The following GTF2H1 variants were observed in gnomAD, a reference collection of about 807,000 sequenced individuals.
GTF2H1 encodes the protein BTF2 p62.
A neutral mutation model predicts 71.2 loss-of-function variants in GTF2H1; 16 were observed. The ratio of observed to expected loss-of-function variants is 0.22; its 90% confidence interval spans 0.15 to 0.34. The LOEUF (loss-of-function observed/expected upper bound fraction) is 0.34. Among genes scored for constraint, GTF2H1 ranks in the 10% least tolerant of loss-of-function variants. The probability of loss-of-function intolerance (pLI) is 1.00; values close to 1 mark genes in which losing one functional copy is unlikely to be tolerated. For missense variants in GTF2H1, 498 were observed against 648.2 expected, an observed-to-expected ratio of 0.77 and a Z score of 2.52; for synonymous variants, 215 against 219.0, an observed-to-expected ratio of 0.98 and a Z score of 0.16.
chr11:18,347,986 T>C lies in GTF2H1; in HGVS notation c.1053+67T>C, dbSNP rs533114878. On this transcript the variant is annotated intron_variant, in intron 9 of 14. Coordinates refer to ENST00000265963, the MANE Select transcript of GTF2H1 (RefSeq NM_005316.4). Reference sequence around the variant, plus strand: ...TCCAAATACTTTATGTGACTGCAAGTACTGTATACGCTTATTTCCTGTGAC... The same window carrying C: ...TCCAAATACTTTATGTGACTGCAAGCACTGTATACGCTTATTTCCTGTGAC... 1.2e-3 allele frequency: 1,194 copies of C among 971,188 alleles called. 10 individuals are homozygous for C. Among genetic ancestry groups the C allele is most frequent in the South Asian group, 0.011 (854 of 76,466 alleles). The allele number at this position is 971,188 out of a possible 1,614,324, so 60.2% of individuals were successfully genotyped here. A position where few individuals can be genotyped will look rare whatever the true frequency, so the allele number is the denominator to read the frequency against.
chr11:18,364,190 T>G (rs1865768753), intron 14 of GTF2H1, among the ~76,000 whole-genome samples: 2 of 152,178 alleles, frequency 1.3e-5, no homozygotes, highest in Admixed American at 1.3e-4. Flanking sequence ...AAGTAATTTT[T>G]ATAGTTTCCA....
chr11:18,329,044 AAAC>A (rs1864836097), intron 1 of GTF2H1, among the ~76,000 whole-genome samples: 1 of 152,222 alleles, frequency 6.6e-6, no homozygotes, highest in Non-Finnish European at 1.5e-5. Context: ...GATTGTAAGA[AAAC>A]AAATTCTCAG....
chr11:18,350,659 G>A (rs1013577134), intron 9 of GTF2H1, among the ~76,000 whole-genome samples: 1 of 152,140 alleles, frequency 6.6e-6, no homozygotes. Flanking sequence ...AATTTAAAAC[G>A]TTAAGTTTTC....
chr11:18,363,929 C>T (rs1865762984), intron 14 of GTF2H1, among the ~76,000 whole-genome samples: 1 of 152,078 alleles, frequency 6.6e-6, no homozygotes, highest in Non-Finnish European at 1.5e-5. Flanking sequence ...AAAAAATTAG[C>T]CGGGCGTTGT....
intron 11 of GTF2H1, among the ~76,000 whole-genome samples, chr11:18,353,206 CAA>C (rs759034627): frequency 3.3e-5 from 5 of 152,238 alleles, no homozygotes; most frequent in East Asian, 1.9e-4. Flanking sequence ...GCCTGGGCGA[CAA>C]GAGCGAAGCT....
In GTF2H1 at chr11:18,365,070, T is replaced by TAAAA. The variant is rs372254821; in HGVS notation, c.1561-713_1561-712insAAAA. ...CATAGCAAGAGTCCATCTCCACTAT[T>TAAAA]TAAAAAAGAAAAAAAAAAAAAACCT... On this transcript the variant is annotated intron_variant, in intron 14 of 14. Transcript: ENST00000265963. Among the ~76,000 whole-genome samples the TAAAA allele has an allele frequency of 2.7e-5, 3 of 111,522 alleles. 1 individual carries two copies. The allele number at this position is 111,522 out of a possible 152,430, so 73.2% of individuals were successfully genotyped here. A position where few individuals can be genotyped will look rare whatever the true frequency, so the allele number is the denominator to read the frequency against.
At chr11:18,350,956 G>A (rs1029956952) in intron 9 of GTF2H1, among the ~76,000 whole-genome samples, 11 of 152,126 alleles carry the variant, frequency 7.2e-5, no homozygotes, top group African/African-American at 1.7e-4. Context: ...ACCCAAATAC[G>A]TGGAGGAATT....
At chr11:18,339,841 A>G (rs1865115751) in intron 5 of GTF2H1, among the ~76,000 whole-genome samples, 184 bp downstream of exon 5, 1 of 152,200 alleles carries the variant, frequency 6.6e-6, no homozygotes, top group Non-Finnish European at 1.5e-5. Flanking sequence ...TCATCAGTTC[A>G]CTAATATGAC....
chr11:18,364,229 A>G (rs1046411820), intron 14 of GTF2H1, among the ~76,000 whole-genome samples: 1 of 152,158 alleles, frequency 6.6e-6, no homozygotes, highest in Non-Finnish European at 1.5e-5. Flanking sequence ...TATCCCCCAT[A>G]ATGATAAACA....
chr11:18,356,067 G>A (rs1295574518), intron 11 of GTF2H1, among the ~76,000 whole-genome samples: 2 of 151,992 alleles, frequency 1.3e-5, no homozygotes, highest in Non-Finnish European at 2.9e-5. Flanking sequence ...TTTCTTTTTA[G>A]CACTGAGTGG....
intron 9 of GTF2H1, among the ~76,000 whole-genome samples, chr11:18,349,644 C>A (rs1228759189): frequency 6.6e-6 from 1 of 152,136 alleles, no homozygotes; most frequent in Non-Finnish European, 1.5e-5. Context: ...GATCGCGTCG[C>A]TGCACTCCAG....
chr11:18,332,957 A>G (rs1487850281), intron 1 of GTF2H1, 103 bp from the exon 2 acceptor site: 12 of 692,156 alleles, frequency 1.7e-5, no homozygotes, highest in African/African-American at 5.5e-5. Context: ...TTAATTTCCT[A>G]CAGTTTAGAT....
chr11:18,326,983 C>G (rs1864782976), intron 1 of GTF2H1, among the ~76,000 whole-genome samples: 1 of 151,626 alleles, frequency 6.6e-6, no homozygotes, highest in African/African-American at 2.4e-5. Flanking sequence ...GCCTCAAAAC[C>G]TCATCTCTAC....
At chr11:18,326,859 T>C (rs1423325327) in intron 1 of GTF2H1, among the ~76,000 whole-genome samples, 1 of 152,188 alleles carries the variant, frequency 6.6e-6, no homozygotes, top group African/African-American at 2.4e-5. Context: ...TTTTAATTCA[T>C]TTTTCTTAAA....
intron 9 of GTF2H1, chr11:18,348,476 T>C: frequency 6.5e-6 from 1 of 154,368 alleles, no homozygotes; most frequent in Non-Finnish European, 1.4e-5. Flanking sequence ...TAAAGCTTTC[T>C]TAGAGAGCAG....
chr11:18,339,952 C>T (rs1865118776), intron 5 of GTF2H1, among the ~76,000 whole-genome samples: 1 of 152,162 alleles, frequency 6.6e-6, no homozygotes, highest in African/African-American at 2.4e-5. Context: ...CAGATGCCAT[C>T]CTAAAAGTAT....
rs566063384 is a variant in GTF2H1 at position 18,327,869 on chromosome 11, G to A, written c.-16+5129G>A. On this transcript the variant is annotated intron_variant, in intron 1 of 14. Coordinates refer to ENST00000265963, the MANE Select transcript of GTF2H1 (RefSeq NM_005316.4). ...TTCCTAAAGTGATGAGATTATAGAC[G>A]TGAGCCACCCTGCCCAGCCTAAATT... Among the ~76,000 whole-genome samples, 30 of 152,282 alleles carry A rather than the reference G, an allele frequency of 2.0e-4. No individual in the cohort carries two copies. In the South Asian group the frequency reaches 4.3e-3, roughly 22 times the overall value.
At chr11:18,355,565 G>A (rs992441635) in intron 11 of GTF2H1, among the ~76,000 whole-genome samples, 23 of 151,958 alleles carry the variant, frequency 1.5e-4, no homozygotes. Flanking sequence ...GAGTGTAGTG[G>A]CACAATCTCG....
intron 3 of GTF2H1, among the ~76,000 whole-genome samples, chr11:18,337,893 A>G (rs1384965239): frequency 2.0e-5 from 3 of 152,048 alleles, no homozygotes; most frequent in Non-Finnish European, 4.4e-5. Context: ...CTTTACACCT[A>G]CCTCCATTTA....
Sources: allele counts gnomAD v4.1 joint callset (sites outside exome capture counted in the v4.1 genomes callset), GRCh38; gene constraint gnomAD v4.1.1; transcripts MANE v1.5; gene names NCBI Gene and HGNC (gene_info 2026-07-23, HGNC 2026-07-21).